JADE1: variants seen among roughly 807,000 people sequenced by gnomAD.
JADE1 encodes protein Jade-1.
Under a neutral mutation model 81.8 loss-of-function variants are expected in JADE1, and 14 were observed. That is an observed-to-expected ratio of 0.17 (90% CI 0.11 to 0.27). The LOEUF is 0.27. Among genes scored for constraint, JADE1 ranks in the 10% least tolerant of loss-of-function variants. The probability of loss-of-function intolerance (pLI) is 1.00; values close to 1 mark genes in which losing one functional copy is unlikely to be tolerated. For synonymous variants in JADE1, 353 were observed against 391.9 expected (o/e 0.90, Z 1.17); for missense variants, 690 against 1,047.9 (o/e 0.66, Z 4.71).
At chr4:128,822,361 T>C (rs1445883205) in intron 1 of JADE1, among the ~76,000 whole-genome samples, 1 of 151,672 alleles carries the variant, frequency 6.6e-6, no homozygotes, top group Non-Finnish European at 1.5e-5. Flanking sequence ...AGCAAGACTC[T>C]GTCTCTCAAA....
At chr4:128,820,702 AC>A (rs1473463779) in intron 1 of JADE1, among the ~76,000 whole-genome samples, 1 of 151,596 alleles carries the variant, frequency 6.6e-6, no homozygotes, top group East Asian at 1.9e-4. Flanking sequence ...TTTTTTTAAA[AC>A]AGTACTTTAA....
At chr4:128,858,965 C>T (rs1331199611) in intron 8 of JADE1, among the ~76,000 whole-genome samples, 2 of 152,096 alleles carry the variant, frequency 1.3e-5, no homozygotes, top group African/African-American at 4.8e-5. Context: ...ATCACTTTGA[C>T]TAGTGTTCAA....
At chr4:128,819,277 GTT>G (rs66632357) in intron 1 of JADE1, among the ~76,000 whole-genome samples, 1,726 of 151,404 alleles carry the variant, frequency 0.011, 23 homozygotes, top group African/African-American at 0.038. Context: ...TGCAATGGTG[GTT>G]TTTTTTTTGG....
At chr4:128,863,713 G>GT (rs1410790430) in intron 9 of JADE1, 3 of 985,282 alleles carry the variant, frequency 3.0e-6, no homozygotes, top group African/African-American at 3.5e-5. Context: ...ACAACTACAT[G>GT]TATGTGTGGC....
At chr4:128,867,775 C>T in intron 9 of JADE1, 81 bp from the exon 10 acceptor site, 1 of 814,642 alleles carries the variant, frequency 1.2e-6, no homozygotes, top group South Asian at 1.8e-5. Flanking sequence ...AGTAATTTCT[C>T]TTAGGTAAAG....
In JADE1 at chr4:128,825,417, T is replaced by C. The variant is rs1727969477; in HGVS notation, c.-26-6316T>C. 2.0e-5 allele frequency among the ~76,000 whole-genome samples: 3 copies of C among 152,348 alleles called. No homozygotes were observed. The South Asian group carries it at 6.2e-4, about 32-fold the overall frequency. On this transcript the variant is annotated intron_variant, in intron 1 of 10. Coordinates refer to ENST00000226319, the MANE Select transcript of JADE1 (RefSeq NM_199320.4). ...TTTCTTAGAATCATCACATCAGTCA[T>C]GACCACGCCCAGGTCACTGAACTTG...
At chr4:128,811,564 G>T (rs1401026138) in intron 1 of JADE1, among the ~76,000 whole-genome samples, 1 of 150,446 alleles carries the variant, frequency 6.6e-6, no homozygotes, top group East Asian at 2.0e-4. Context: ...GGGGGCGGGC[G>T]GCGGCCGAGG....
At position 128,868,731 on chromosome 4, in the gene JADE1, T is replaced by G. The variant is rs137890967; in HGVS notation, c.1621+758T>G. On this transcript the variant is annotated intron_variant, in intron 10 of 10. Transcript: ENST00000226319. ...AAGTGCATTTGAGCCCTATATTCTG[T>G]GATCATAAGCCCCCAAAAGTAGGTA... 6.0e-3 allele frequency among the ~76,000 whole-genome samples: 918 copies of G among 152,274 alleles called. 8 individuals carry two copies. Among genetic ancestry groups the G allele is most frequent in the African/African-American group, 0.019 (798 of 41,536 alleles).
intron 6 of JADE1, 123 bp from the exon 7 acceptor site, chr4:128,855,507 C>T (rs1391948260): frequency 6.9e-6 from 7 of 1,010,950 alleles, no homozygotes; most frequent in East Asian, 2.7e-5. Context: ...GCTGTGGGAG[C>T]GTCTCTGCTT....
chr4:128,825,747 A>G (rs997300361), intron 1 of JADE1, among the ~76,000 whole-genome samples: 2 of 152,168 alleles, frequency 1.3e-5, no homozygotes, highest in East Asian at 1.9e-4. Flanking sequence ...ATTTTCCTCA[A>G]ATTATTATGT....
intron 7 of JADE1, among the ~76,000 whole-genome samples, chr4:128,857,131 G>A (rs1730864759): frequency 1.3e-5 from 2 of 152,204 alleles, no homozygotes; most frequent in Admixed American, 6.5e-5. Flanking sequence ...AGACAGGGAT[G>A]TCTGTCAGAT....
At chr4:128,829,721 G>A (rs575070151) in intron 1 of JADE1, among the ~76,000 whole-genome samples, 52 of 152,292 alleles carry the variant, frequency 3.4e-4, no homozygotes, top group African/African-American at 1.1e-3. Context: ...AGACCTGAAG[G>A]CTTATATACA....
At chr4:128,869,747 C>G (rs555542018) in intron 10 of JADE1, among the ~76,000 whole-genome samples, 64 of 152,302 alleles carry the variant, frequency 4.2e-4, no homozygotes, top group Middle Eastern at 3.4e-3. Flanking sequence ...ACAAATCTTC[C>G]TTTCATTCTG....
intron 1 of JADE1, among the ~76,000 whole-genome samples, chr4:128,818,875 AG>A (rs1727293849): frequency 6.6e-6 from 1 of 152,172 alleles, no homozygotes; most frequent in African/African-American, 2.4e-5. Flanking sequence ...GATTTGAGAC[AG>A]GGTCTCACCC....
rs150055500 is a variant in JADE1, at chr4:128,818,261, C to T, written c.-27+8384C>T. Among the ~76,000 whole-genome samples, 1,494 of 152,146 alleles carry T rather than the reference C, an allele frequency of 9.8e-3. 27 individuals are homozygous for T. The highest frequency in any genetic ancestry group is 0.035 in the African/African-American group (1,439 of 41,508). On this transcript the variant is annotated intron_variant, in intron 1 of 10. Coordinates refer to ENST00000226319, the MANE Select transcript of JADE1 (RefSeq NM_199320.4). Reference sequence around the variant, plus strand: ...TCAGCCTCCCGAGTAGCTGGGATTACAGGCGTGTGCCACCATGCCCTGCTA... The same window carrying T: ...TCAGCCTCCCGAGTAGCTGGGATTATAGGCGTGTGCCACCATGCCCTGCTA...
At position 128,874,562 on chromosome 4, in the gene JADE1, T is replaced by TA. The variant is rs1238897528; in HGVS notation, c.*2301dup. 1 of 152,538 alleles carries TA rather than the reference T, an allele frequency of 6.6e-6. No individual in the cohort carries two copies. Among genetic ancestry groups the TA allele is most frequent in the East Asian group, 1.9e-4 (1 of 5,194 alleles). The allele number at this position is 152,538 out of a possible 1,614,324, so 9.4% of individuals were successfully genotyped here. Reference sequence around the variant, plus strand: ...ACAAAAATAAAAAGCCCACACTTTTTATTCCTGCTTCGAAATGCAAATGGA... The same window carrying TA: ...ACAAAAATAAAAAGCCCACACTTTTTAATTCCTGCTTCGAAATGCAAATGGA... On this transcript the variant is annotated 3_prime_UTR_variant, in exon 11 of 11. Transcript: ENST00000226319.
At chr4:128,823,833 G>A (rs1727794585) in intron 1 of JADE1, among the ~76,000 whole-genome samples, 2 of 152,118 alleles carry the variant, frequency 1.3e-5, no homozygotes, top group Admixed American at 1.3e-4. Flanking sequence ...AGATAATGTT[G>A]CCAGTTGGAA....
At chr4:128,855,921 G>C (rs1730757056) in intron 7 of JADE1, 124 bp downstream of exon 7, 1 of 726,406 alleles carries the variant, frequency 1.4e-6, no homozygotes, top group East Asian at 2.9e-5. Context: ...CTGGGCTCAA[G>C]TGATCCTCCC....
At chr4:128,834,772 G>C (rs778078267) in intron 2 of JADE1, among the ~76,000 whole-genome samples, 1 of 151,906 alleles carries the variant, frequency 6.6e-6, no homozygotes, top group Non-Finnish European at 1.5e-5. Context: ...CTGACCTCAT[G>C]ATCTGCCCAC....
Sources: gnomAD v4.1 joint callset for allele counts (sites outside exome capture counted in the v4.1 genomes callset) on GRCh38, gnomAD v4.1.1 for gene constraint, MANE v1.5 for transcripts, NCBI Gene and HGNC (gene_info 2026-07-23, HGNC 2026-07-21) for gene names.